STARD9: variants seen among roughly 807,000 people sequenced by gnomAD.
STARD9 encodes stAR-related lipid transfer protein 9.
A neutral mutation model predicts 399.8 loss-of-function variants in STARD9; 346 were observed. That is an observed-to-expected ratio of 0.87 (90% CI 0.79 to 0.95). STARD9 has a LOEUF of 0.95. Among genes scored for constraint, STARD9 ranks in the 40% least tolerant of loss-of-function variants. The probability of loss-of-function intolerance (pLI) is 0.00; values close to 1 mark genes in which losing one functional copy is unlikely to be tolerated. For missense variants in STARD9, 5,832 were observed against 5,667.5 expected (o/e 1.03, Z -0.93); for synonymous variants, 2,203 against 2,143.5 (o/e 1.03, Z -0.77).
chr15:42,588,398 A>T (rs1441002243), intron 3 of STARD9, among the ~76,000 whole-genome samples: 2 of 152,188 alleles, frequency 1.3e-5, no homozygotes, highest in African/African-American at 4.8e-5. Context: ...AATTTGATGG[A>T]AAGATCAAAT....
At position 42,695,860 on chromosome 15, in the gene STARD9, C is replaced by T. The variant is rs1276375838; in HGVS notation, c.13264C>T (p.Leu4422Phe). The change falls in exon 26 of 33, where the codon CTC becomes TTC. Residue 4422 changes from leucine (L) to phenylalanine (F), a missense_variant. Around this residue, in one of 2 missense-constraint regions of STARD9, gnomAD observed 5,828 missense variants for 5,651.1 expected, o/e 1.03. Coordinates refer to ENST00000290607, the MANE Select transcript of STARD9 (RefSeq NM_020759.3). ...TAGCAGCCCAGCCTTGTCAGGCCAGCTCCAGTTCCCAGAGAATATGGTGAG... is the reference window on the plus strand; with the variant it reads ...TAGCAGCCCAGCCTTGTCAGGCCAGTTCCAGTTCCCAGAGAATATGGTGAG... ...YNSSPALSGQLQFPENMGHTN... is the reference protein window; with the variant it reads ...YNSSPALSGQFQFPENMGHTN... The T allele has an allele frequency of 2.0e-6, 3 of 1,537,196 alleles. No homozygotes were observed. Among genetic ancestry groups the T allele is most frequent in the Non-Finnish European group, 2.6e-6 (3 of 1,146,840 alleles).
Position 42,689,000 on chromosome 15 carries a change from A to G in STARD9, c.7422A>G (p.Ile2474Met), listed in dbSNP as rs920726508. 3.9e-6 allele frequency: 6 copies of G among 1,537,182 alleles called. No homozygotes were observed. Among genetic ancestry groups the G allele is most frequent in the Non-Finnish European group, 5.2e-6 (6 of 1,146,922 alleles). Residue 2474 changes from isoleucine (I) to methionine (M), a missense_variant, in exon 23 of 33, where the codon ATA becomes ATG. Around this residue, in one of 2 missense-constraint regions of STARD9, gnomAD observed 5,828 missense variants for 5,651.1 expected, o/e 1.03. Coordinates refer to ENST00000290607, the MANE Select transcript of STARD9 (RefSeq NM_020759.3). ...CCGAGGTGGCTGTACAAAAAGAAAT[A>G]AGAGTCAGTTCACTGAACAAGGTCT... ...SEAEVAVQKE[I>M]RVSSLNKVSS... is the part of the protein sequence containing the mutation.
chr15:42,646,508 G>A (rs1348036207), intron 7 of STARD9, among the ~76,000 whole-genome samples: 6 of 152,160 alleles, frequency 3.9e-5, no homozygotes, highest in African/African-American at 1.4e-4. Flanking sequence ...ACCACCCTCT[G>A]CCAGCTCCAA....
At position 42,693,212 on chromosome 15, in the gene STARD9, G is replaced by A; in HGVS notation, c.11634G>A (p.Gly3878=). The A allele has an allele frequency of 6.5e-7, 1 of 1,537,000 alleles. No homozygotes were observed. The highest frequency in any genetic ancestry group is 8.7e-7 in the Non-Finnish European group (1 of 1,146,866). The change falls in exon 23 of 33, where the codon GGG becomes GGA. Residue 3878 remains glycine, a synonymous_variant. Transcript: ENST00000290607. ...TTCCCAGTACTTCCGAGTATCCTGG[G>A]GACTCCAGGGTCCAGAAGAAGCTGG... ...GLFPSTSEYP[G]DSRVQKKLGP... is the part of the protein sequence containing the mutation.
chr15:42,638,615 A>G (rs2059467621), intron 6 of STARD9, 85 bp from the exon 7 acceptor site: 1 of 904,082 alleles, frequency 1.1e-6, no homozygotes, highest in South Asian at 1.7e-5. Context: ...TGGAACAAGA[A>G]CTAAGACCTC....
At chr15:42,674,630 GTTTCAGGTCTGGGAC>G (rs2060272235) in intron 17 of STARD9, 139 bp downstream of exon 17, 2 of 1,212,294 alleles carry the variant, frequency 1.6e-6, no homozygotes, top group Non-Finnish European at 2.3e-6. Context: ...CTGCTGCTAG[GTTTCAGGTCTGGGAC>G]GTCACAGGGG....
chr15:42,696,837 T>A (rs1376355563), intron 26 of STARD9, among the ~76,000 whole-genome samples: 1 of 151,758 alleles, frequency 6.6e-6, no homozygotes, highest in Non-Finnish European at 1.5e-5. Flanking sequence ...ATGTGAACAA[T>A]GACAAGGAAC....
At chr15:42,590,226 G>C (rs568406482) in intron 3 of STARD9, among the ~76,000 whole-genome samples, 1 of 151,996 alleles carries the variant, frequency 6.6e-6, no homozygotes, top group East Asian at 1.9e-4. Context: ...GCCTCTCAAA[G>C]TGCTGGGATT....
At position 42,669,291 on chromosome 15, in the gene STARD9, TGGA is replaced by T; in HGVS notation, c.1455_1457del (p.Glu485del). The T allele has an allele frequency of 2.6e-6, 4 of 1,536,780 alleles. No homozygotes were observed. Among genetic ancestry groups the T allele is most frequent in the Non-Finnish European group, 3.5e-6 (4 of 1,146,498 alleles). The stretch of plus-strand genomic sequence containing the variant: ...TCCAGCCTGCCACACTTGATGGCCT[TGGA>T]GGATGATGTGCTCAGCACAGGTGTT... On this transcript the variant is annotated inframe_deletion, in exon 16 of 33. Transcript: ENST00000290607.
chr15:42,621,500 T>C (rs1401947199), intron 3 of STARD9, among the ~76,000 whole-genome samples: 1 of 152,216 alleles, frequency 6.6e-6, no homozygotes, highest in African/African-American at 2.4e-5. Flanking sequence ...AGATACAGCC[T>C]GAGGCTGCCA....
At position 42,712,068 on chromosome 15, in the gene STARD9, A is replaced by ATATATATAT. The variant is rs1388384319; in HGVS notation, c.13285-4608_13285-4600dup. Among the ~76,000 whole-genome samples, 23 of 47,190 alleles carry ATATATATAT rather than the reference A, an allele frequency of 4.9e-4. 1 individual carries two copies. The African/African-American group carries it at 6.9e-3, about 14-fold the overall frequency. The allele number at this position is 47,190 out of a possible 152,430, so 31.0% of individuals were successfully genotyped here. A position where few individuals can be genotyped will look rare whatever the true frequency, so the allele number is the denominator to read the frequency against. On this transcript the variant is annotated intron_variant, in intron 26 of 32. Transcript: ENST00000290607. ...CTAATGGTGTTGAGCATCTTTTTAT[A>ATATATATAT]TATATATATATATTATATATATATA...
chr15:42,705,726 C>T (rs190904074), intron 26 of STARD9, among the ~76,000 whole-genome samples: 1 of 151,990 alleles, frequency 6.6e-6, no homozygotes, highest in East Asian at 1.9e-4. Flanking sequence ...CAGGCATGAG[C>T]TACTGCACCC....
intron 1 of STARD9, among the ~76,000 whole-genome samples, chr15:42,580,542 G>A (rs1157984547): frequency 8.5e-5 from 13 of 152,312 alleles, no homozygotes; most frequent in Middle Eastern, 6.8e-3. Context: ...ACTAGAAGGC[G>A]TGGTGGCTCA....
chr15:42,596,099 A>AT (rs2058498814), intron 3 of STARD9, among the ~76,000 whole-genome samples: 1 of 152,130 alleles, frequency 6.6e-6, no homozygotes, highest in African/African-American at 2.4e-5. Context: ...GCTTATGTGG[A>AT]TTTTTCCCCC....
In STARD9 at chr15:42,675,952, C is replaced by G. The variant is rs182766680; in HGVS notation, c.1851C>G (p.Leu617=). ...ATCTCGCTGCCTCCCGGCTGGGTCTCTCCCCTTTGCTTTGGAAGGAAAGGT... is the reference window on the plus strand; with the variant it reads ...ATCTCGCTGCCTCCCGGCTGGGTCTGTCCCCTTTGCTTTGGAAGGAAAGGT... ...DGDLAASRLG[L]SPLLWKERRA... is the part of the protein sequence containing the mutation. Residue 617 remains leucine (L), a synonymous_variant, in exon 20 of 33, where the codon CTC becomes CTG. Coordinates refer to ENST00000290607, the MANE Select transcript of STARD9 (RefSeq NM_020759.3). 2 of 1,535,920 alleles carry G rather than the reference C, an allele frequency of 1.3e-6. No individual in the cohort carries two copies. Among genetic ancestry groups the G allele is most frequent in the Non-Finnish European group, 1.7e-6 (2 of 1,146,522 alleles).
intron 26 of STARD9, among the ~76,000 whole-genome samples, chr15:42,705,147 G>A (rs573571036): frequency 6.6e-6 from 1 of 152,202 alleles, no homozygotes; most frequent in Non-Finnish European, 1.5e-5. Flanking sequence ...CTAAGGCAAA[G>A]TCCCATGTCC....
intron 3 of STARD9, among the ~76,000 whole-genome samples, chr15:42,613,206 C>A (rs973109015): frequency 6.6e-6 from 1 of 151,934 alleles, no homozygotes; most frequent in Non-Finnish European, 1.5e-5. Flanking sequence ...TTGTTATTTT[C>A]TTTTTCTTTC....
chr15:42,638,988 C>T (rs1266243932), intron 7 of STARD9, among the ~76,000 whole-genome samples, 176 bp downstream of exon 7: 3 of 151,740 alleles, frequency 2.0e-5, no homozygotes, highest in Admixed American at 6.5e-5. Flanking sequence ...CTCAGGCAAG[C>T]TTACAATCTA....
At position 42,717,748 on chromosome 15, in the gene STARD9, G is replaced by A. The variant is rs773641178; in HGVS notation, c.13512G>A (p.Ser4504=). 62 of 1,537,086 alleles carry A rather than the reference G, an allele frequency of 4.0e-5. No individual in the cohort carries two copies. The South Asian group carries it at 4.8e-4, about 12-fold the overall frequency. Reference sequence around the variant, plus strand: ...GTCCCCAGGTAATGGCTGCTTGTTCGGATAATTTGCACAACCTCTTCAGCT... The same window carrying A: ...GTCCCCAGGTAATGGCTGCTTGTTCAGATAATTTGCACAACCTCTTCAGCT... The part of the protein sequence containing the change: ...TSMADVMAAC[S]DNLHNLFSCQ... The change falls in exon 29 of 33, where the codon TCG becomes TCA. Residue 4504 remains serine (S), a synonymous_variant. Transcript: ENST00000290607.
Sources: allele counts gnomAD v4.1 joint callset (sites outside exome capture counted in the v4.1 genomes callset), GRCh38; gene constraint gnomAD v4.1.1; regional missense constraint gnomAD v4.1.1; transcripts MANE v1.5; gene names NCBI Gene and HGNC (gene_info 2026-07-23, HGNC 2026-07-21).